The following CUX1 variants were observed in gnomAD, a reference collection of about 807,000 sequenced individuals.
CUX1 encodes the protein cut like homeobox 1, also known as protein CASP.
CUX1 carries 31 observed loss-of-function variants against 158.8 expected under a neutral mutation model. The observed-to-expected ratio is 0.20, with a 90% CI of 0.15 to 0.26. The LOEUF is 0.26. CUX1 is among the 10% of genes least tolerant of loss of function. CUX1 has a pLI of 1.00. For missense variants in CUX1, 1,589 were observed against 2,014.6 expected (o/e 0.79, Z 4.04); for synonymous variants, 879 against 862.1 (o/e 1.02, Z -0.34).
chr7:102,041,711 C>T (rs542391697), intron 3 of CUX1, among the ~76,000 whole-genome samples: 121 of 148,676 alleles, frequency 8.1e-4, no homozygotes, highest in South Asian at 7.0e-3. Context: ...TTCTGTCACC[C>T]AGGCTGGAGT....
chr7:101,851,004 G>A (rs886224418), intron 1 of CUX1, among the ~76,000 whole-genome samples: 5 of 152,128 alleles, frequency 3.3e-5, no homozygotes, highest in Admixed American at 2.6e-4. Context: ...AGCTACATGG[G>A]TAGCTGGGGT....
intron 3 of CUX1, among the ~76,000 whole-genome samples, chr7:102,063,411 C>T (rs7796231): frequency 0.62 from 79,867 of 129,756 alleles, 24,496 homozygotes; most frequent in East Asian, 0.97. Flanking sequence ...TTTTTTGAGA[C>T]GGAGTCTCAC....
chr7:102,216,625 ACACACCCC>A (rs1563425558), intron 20 of CUX1, among the ~76,000 whole-genome samples: 1 of 92,802 alleles, frequency 1.1e-5, no homozygotes, highest in Non-Finnish European at 2.2e-5. Flanking sequence ...CTCCCCACAC[ACACACCCC>A]CACACACGCA....
chr7:102,101,929 A>T (rs1554486552), intron 5 of CUX1, among the ~76,000 whole-genome samples: 3 of 149,080 alleles, frequency 2.0e-5, no homozygotes, highest in Non-Finnish European at 4.5e-5. Context: ...AAAAAAAAAA[A>T]GACAAAAATG....
chr7:101,854,637 C>A (rs188009265), intron 1 of CUX1, among the ~76,000 whole-genome samples: 29 of 152,308 alleles, frequency 1.9e-4, no homozygotes, highest in African/African-American at 7.0e-4. Context: ...GAAATGACAC[C>A]CTGTCTCCCA....
At chr7:102,274,849 G>T (rs1791495818) in intron 16 of CUX1, among the ~76,000 whole-genome samples, 1 of 152,198 alleles carries the variant, frequency 6.6e-6, no homozygotes, top group African/African-American at 2.4e-5. Flanking sequence ...GGATACTGGG[G>T]GTGTGCCCAT....
intron 1 of CUX1, among the ~76,000 whole-genome samples, chr7:101,851,851 C>T (rs1796296528): frequency 2.1e-5 from 3 of 145,704 alleles, no homozygotes; most frequent in Admixed American, 1.4e-4. Flanking sequence ...TCTTTTGAGA[C>T]AGCGTCTCAC....
intron 1 of CUX1, among the ~76,000 whole-genome samples, chr7:101,850,673 C>T (rs1464710303): frequency 6.6e-6 from 1 of 152,118 alleles, no homozygotes; most frequent in Non-Finnish European, 1.5e-5. Context: ...AGCCATTGTG[C>T]CCAGCCAGCC....
At chr7:102,021,826 G>A (rs1368034291) in intron 2 of CUX1, among the ~76,000 whole-genome samples, 1 of 152,098 alleles carries the variant, frequency 6.6e-6, no homozygotes, top group African/African-American at 2.4e-5. Flanking sequence ...CTCTCGAAGT[G>A]CTGGGAATAC....
chr7:102,211,778 T>TAACAAA (rs1491578993), intron 20 of CUX1, among the ~76,000 whole-genome samples: 5 of 77,474 alleles, frequency 6.5e-5, no homozygotes, highest in Admixed American at 1.5e-4. Flanking sequence ...AAACTCCATC[T>TAACAAA]AAAAAAAAAA....
intron 2 of CUX1, among the ~76,000 whole-genome samples, chr7:101,968,170 G>T (rs1270423054): frequency 2.6e-5 from 4 of 152,066 alleles, no homozygotes; most frequent in African/African-American, 9.7e-5. Context: ...CTCCCAAAAT[G>T]CCAGGATTAC....
intron 22 of CUX1, among the ~76,000 whole-genome samples, chr7:102,237,130 G>A (rs1554533178): frequency 1.3e-5 from 2 of 152,232 alleles, no homozygotes; most frequent in African/African-American, 2.4e-5. Flanking sequence ...CTTTGACTCC[G>A]CTGTTTGGGT....
intron 3 of CUX1, among the ~76,000 whole-genome samples, chr7:102,050,769 C>T (rs763964468): frequency 1.1e-4 from 16 of 151,966 alleles, no homozygotes; most frequent in African/African-American, 3.9e-4. Flanking sequence ...TTTGTGTGAT[C>T]ATAGCTCACT....
Position 102,063,918 on chromosome 7 carries a change from A to G in CUX1, c.190-6421A>G, listed in dbSNP as rs543943524. ...AGGCAGCCTTATCTGTCATCCTAGAACTCCAGGACAGCCCCAGGTGGTGGT... is the reference window on the plus strand; with the variant it reads ...AGGCAGCCTTATCTGTCATCCTAGAGCTCCAGGACAGCCCCAGGTGGTGGT... On this transcript the variant is annotated intron_variant, in intron 3 of 23. Coordinates refer to ENST00000292535, the MANE Select transcript of CUX1 (RefSeq NM_181552.4). 2.1e-4 allele frequency among the ~76,000 whole-genome samples: 32 copies of G among 152,052 alleles called. No homozygotes were observed. In the East Asian group the frequency reaches 3.9e-3, roughly 18 times the overall value.
chr7:102,006,543 C>T lies in CUX1; in HGVS notation c.142-21555C>T, dbSNP rs1377619731. 6.6e-5 allele frequency among the ~76,000 whole-genome samples: 10 copies of T among 152,146 alleles called. No homozygotes were observed. In the East Asian group the frequency reaches 9.7e-4, roughly 15 times the overall value. ...TCCCGAGTAACTGGGATTACAGGAG[C>T]GCGCCACCACACCTGGCTAATTTTT... On this transcript the variant is annotated intron_variant, in intron 2 of 23. Coordinates refer to ENST00000292535, the MANE Select transcript of CUX1 (RefSeq NM_181552.4).
At chr7:102,262,510 G>T (rs1790479336), downstream of CUX1, among the ~76,000 whole-genome samples, 1 of 152,224 alleles carries the variant, frequency 6.6e-6, no homozygotes, top group East Asian at 1.9e-4. Context: ...GCAGAGCCTG[G>T]AAGGATCCAA....
At chr7:101,960,370 C>T (rs942105042) in intron 2 of CUX1, 1 of 152,310 alleles carries the variant, frequency 6.6e-6, no homozygotes, top group Admixed American at 6.5e-5. Context: ...TGCAGTGGCT[C>T]ACGCCTGTAA....
intron 2 of CUX1, among the ~76,000 whole-genome samples, chr7:101,958,935 G>GCCTCGAC (rs1418035077): frequency 1.5e-5 from 2 of 134,320 alleles, no homozygotes; most frequent in African/African-American, 5.6e-5. Context: ...GCTCACTGCA[G>GCCTCGAC]CCTCGACCTC....
At chr7:102,270,369 G>A (rs576883021) in intron 14 of CUX1, among the ~76,000 whole-genome samples, 1 of 152,182 alleles carries the variant, frequency 6.6e-6, no homozygotes, top group South Asian at 2.1e-4. Context: ...CCTGGCCTTC[G>A]CTTCCTCCCA....
Sources: allele counts gnomAD v4.1 joint callset (sites outside exome capture counted in the v4.1 genomes callset), GRCh38; gene constraint gnomAD v4.1.1; transcripts MANE v1.5; gene names NCBI Gene and HGNC (gene_info 2026-07-23, HGNC 2026-07-21).